The following FMO1 variants were observed in gnomAD, a reference collection of about 807,000 sequenced individuals.
FMO1 encodes the protein flavin containing dimethylaniline monoxygenase 1.
Under a neutral mutation model 45.4 loss-of-function variants are expected in FMO1, and 36 were observed. The ratio of observed to expected loss-of-function variants is 0.79; its 90% CI spans 0.61 to 1.05. The LOEUF (loss-of-function observed/expected upper bound fraction) is 1.05. FMO1 is among the 50% of genes least tolerant of loss of function. The pLI is 0.00. For synonymous variants in FMO1, 228 were observed against 227.2 expected, an observed-to-expected ratio of 1.00 and a Z score of -0.03; for missense variants, 615 against 640.3, an observed-to-expected ratio of 0.96 and a Z score of 0.43.
At chr1:171,281,827 C>T (rs1661368638) in intron 6 of FMO1, 151 bp from the exon 7 acceptor site, 4 of 584,392 alleles carry the variant, frequency 6.8e-6, no homozygotes, top group Non-Finnish European at 6.1e-6. Flanking sequence ...TTCATGAATC[C>T]CCTTCCACTG....
chr1:171,282,193 G>T lies in FMO1; in HGVS notation c.1043G>T (p.Gly348Val). 1.2e-6 allele frequency: 2 copies of T among 1,613,970 alleles called. No individual in the cohort carries two copies. The highest frequency in any genetic ancestry group is 1.7e-6 in the Non-Finnish European group (2 of 1,179,898). Residue 348 changes from glycine to valine, a missense_variant, in exon 7 of 9, where the codon GGC (glycine) becomes GTC (valine). Coordinates refer to ENST00000617670, the MANE Select transcript of FMO1 (RefSeq NM_001282693.2). ...GAGTCTGTAGTGAAAGTTGAAGATG[G>T]CCAGGCCTCACTGTACAAGTATATC... ...LDESVVKVED[G>V]QASLYKYIFP...
chr1:171,285,283 AC>A lies in FMO1; in HGVS notation c.1341del (p.Asn448ThrfsTer7). On this transcript the variant is annotated frameshift_variant, in exon 9 of 9. Coordinates refer to ENST00000617670, the MANE Select transcript of FMO1 (RefSeq NM_001282693.2). LOFTEE classifies it low-confidence loss of function (END_TRUNC). Reference protein sequence around the residue: ...DELLTYINAKPNLFSMLLTDP... With the variant: ...DELLTYINAKXNLFSMLLTDP... Reference sequence around the variant, plus strand: ...AACTCCTGACCTATATCAATGCAAAACCCAACCTGTTCTCTATGCTCCTAAC... The same window carrying A: ...AACTCCTGACCTATATCAATGCAAAACCAACCTGTTCTCTATGCTCCTAAC... 6.2e-7 allele frequency: 1 copy of A among 1,613,914 alleles called. No individual in the cohort carries two copies. Among genetic ancestry groups the A allele is most frequent in the Non-Finnish European group, 8.5e-7 (1 of 1,179,920 alleles).
chr1:171,280,678 G>T (rs911818945), intron 5 of FMO1, 108 bp from the exon 6 acceptor site: 11 of 839,228 alleles, frequency 1.3e-5, no homozygotes, highest in East Asian at 2.6e-5. Context: ...TTTTGAGAGT[G>T]GCAGACTTTT....
chr1:171,282,081 G>A lies in FMO1; in HGVS notation c.931G>A (p.Val311Ile), dbSNP rs1661380953. 6.2e-7 allele frequency: 1 copy of A among 1,613,742 alleles called. No homozygotes were observed. The change falls in exon 7 of 9, where the codon GTC becomes ATC. Residue 311 changes from valine to isoleucine, a missense_variant. By Grantham distance (29) the Val-to-Ile change is conservative (BLOSUM62 3). Transcript: ENST00000617670. Reference sequence around the variant, plus strand: ...CATAAAAGAGGTAAAGGAAAACTCTGTCATATTTAACAATACTTCAAAGGA... The same window carrying A: ...CATAAAAGAGGTAAAGGAAAACTCTATCATATTTAACAATACTTCAAAGGA... ...PSIKEVKENS[V>I]IFNNTSKEEP...
At chr1:171,279,053 C>T (rs1184882515) in intron 5 of FMO1, among the ~76,000 whole-genome samples, 182 bp downstream of exon 5, 1 of 150,592 alleles carries the variant, frequency 6.6e-6, no homozygotes, top group Non-Finnish European at 1.5e-5. Flanking sequence ...CAGTTGTCAT[C>T]TTCCCTCCAA....
At chr1:171,266,165 A>G (rs1660610733) in intron 2 of FMO1, among the ~76,000 whole-genome samples, 1 of 152,254 alleles carries the variant, frequency 6.6e-6, no homozygotes, top group African/African-American at 2.4e-5. Context: ...GTCCTATGGC[A>G]TATGACTAGT....
At chr1:171,252,485 TAGGGGCCTC>T (rs1401530050) in intron 1 of FMO1, among the ~76,000 whole-genome samples, 1 of 152,178 alleles carries the variant, frequency 6.6e-6, no homozygotes. Flanking sequence ...GGCCAAAATT[TAGGGGCCTC>T]AGCCCCCCGC....
chr1:171,250,104 A>T (rs1360972607), intron 1 of FMO1, among the ~76,000 whole-genome samples: 1 of 152,228 alleles, frequency 6.6e-6, no homozygotes, highest in African/African-American at 2.4e-5. Flanking sequence ...TTTTTGAACA[A>T]GTAATATACA....
intron 3 of FMO1, among the ~76,000 whole-genome samples, chr1:171,269,792 T>C (rs1339205033): frequency 6.6e-6 from 1 of 152,238 alleles, no homozygotes; most frequent in African/African-American, 2.4e-5. Context: ...TTTAAGTGTC[T>C]TCTTTCCTCC....
At chr1:171,259,771 A>G (rs1660303890) in intron 2 of FMO1, among the ~76,000 whole-genome samples, 1 of 152,230 alleles carries the variant, frequency 6.6e-6, no homozygotes, top group Non-Finnish European at 1.5e-5. Context: ...CTAAGAATCA[A>G]GAGAAATGAG....
At chr1:171,278,163 C>A (rs1459794676) in intron 4 of FMO1, among the ~76,000 whole-genome samples, 1 of 152,140 alleles carries the variant, frequency 6.6e-6, no homozygotes, top group African/African-American at 2.4e-5. Flanking sequence ...GCCAACCCAG[C>A]AAACTCAGCC....
intron 1 of FMO1, among the ~76,000 whole-genome samples, chr1:171,254,685 C>A (rs1660073349): frequency 6.6e-6 from 1 of 152,172 alleles, no homozygotes; most frequent in Non-Finnish European, 1.5e-5. Context: ...GGTCAGGCAG[C>A]TTCTCACACC....
At chr1:171,266,494 G>A (rs748857585) in intron 2 of FMO1, among the ~76,000 whole-genome samples, 1 of 152,154 alleles carries the variant, frequency 6.6e-6, no homozygotes, top group African/African-American at 2.4e-5. Context: ...CAGACAAGCA[G>A]GTTGTAATCA....
chr1:171,282,176 A>G lies in FMO1; in HGVS notation c.1026A>G (p.Val342=), dbSNP rs767583218. The G allele has an allele frequency of 5.6e-6, 9 of 1,613,896 alleles. No individual in the cohort carries two copies. In the Admixed American group the frequency reaches 1.5e-4, roughly 27 times the overall value. Residue 342 remains valine (V), a synonymous_variant, in exon 7 of 9, where the codon GTA becomes GTG. Coordinates refer to ENST00000617670, the MANE Select transcript of FMO1 (RefSeq NM_001282693.2). ...CTTTCCCCTTCCTTGATGAGTCTGT[A>G]GTGAAAGTTGAAGATGGCCAGGCCT... ...TFAFPFLDES[V]VKVEDGQASL... is the part of the protein sequence containing the mutation.
At chr1:171,252,634 G>A (rs1659948325) in intron 1 of FMO1, among the ~76,000 whole-genome samples, 2 of 152,306 alleles carry the variant, frequency 1.3e-5, no homozygotes, top group South Asian at 2.1e-4. Context: ...CTACAAGTAC[G>A]CTTCTCCCAC....
rs943252854 is a variant in FMO1 at position 171,280,681 on chromosome 1, A to C, written c.628-105A>C. On this transcript the variant is annotated intron_variant, in intron 5 of 8. Coordinates refer to ENST00000617670, the MANE Select transcript of FMO1 (RefSeq NM_001282693.2). ...GTCAGGGGTGTATTTTGAGAGTGGC[A>C]GACTTTTCAGTGCCTTTCCATTCAT... 3 of 887,674 alleles carry C rather than the reference A, an allele frequency of 3.4e-6. No individual in the cohort carries two copies. The African/African-American group carries it at 5.0e-5, about 15-fold the overall frequency. 55.0% of individuals were successfully genotyped at this position (887,674 alleles called of 1,614,324 possible).
intron 2 of FMO1, among the ~76,000 whole-genome samples, chr1:171,258,714 C>G (rs1660266619): frequency 6.6e-6 from 1 of 152,190 alleles, no homozygotes; most frequent in South Asian, 2.1e-4. Context: ...GCTGACCTGG[C>G]AATCCCAGTG....
At chr1:171,255,151 C>T (rs1292707640) in intron 1 of FMO1, among the ~76,000 whole-genome samples, 1 of 152,172 alleles carries the variant, frequency 6.6e-6, no homozygotes, top group Non-Finnish European at 1.5e-5. Context: ...ATGTGTTAAT[C>T]TGCTTATAAT....
intron 8 of FMO1, among the ~76,000 whole-genome samples, chr1:171,284,342 C>G (rs1661528339): frequency 1.3e-5 from 2 of 152,134 alleles, no homozygotes; most frequent in East Asian, 3.8e-4. Context: ...TCTTTATCCT[C>G]AACCTGGGAT....
Sources: allele counts gnomAD v4.1 joint callset (sites outside exome capture counted in the v4.1 genomes callset), GRCh38; gene constraint gnomAD v4.1.1; transcripts MANE v1.5; gene names NCBI Gene and HGNC (gene_info 2026-07-23, HGNC 2026-07-21).